DLGAP1: variants seen among roughly 807,000 people sequenced by gnomAD.
DLGAP1 encodes the protein DLG associated protein 1.
In DLGAP1, 11 loss-of-function variants were observed where a neutral mutation model predicts 90.8. The ratio of observed to expected loss-of-function variants is 0.12; its 90% CI spans 0.08 to 0.20. DLGAP1 has a LOEUF of 0.20. Ranked by LOEUF, DLGAP1 falls within the 10% of genes least tolerant of loss-of-function variation. The pLI, the probability that DLGAP1 is intolerant of heterozygous loss-of-function variation, is 1.00. For missense variants in DLGAP1, 1,050 were observed against 1,333.8 expected (o/e 0.79, Z 3.31); for synonymous variants, 558 against 540.7 (o/e 1.03, Z -0.44).
chr18:4,215,882 T>C (rs2077943842), intron 1 of DLGAP1, among the ~76,000 whole-genome samples: 2 of 152,078 alleles, frequency 1.3e-5, no homozygotes, highest in South Asian at 2.1e-4. Flanking sequence ...GGTAGGAAGA[T>C]GCAGACTGAA....
intron 7 of DLGAP1, among the ~76,000 whole-genome samples, chr18:3,640,982 G>T (rs2058915632): frequency 6.6e-6 from 1 of 152,154 alleles, no homozygotes; most frequent in African/African-American, 2.4e-5. Context: ...TGGCTACTAA[G>T]CAGGAAGGCC....
At chr18:4,322,215 A>G (rs549924164) in intron 1 of DLGAP1, among the ~76,000 whole-genome samples, 3 of 152,152 alleles carry the variant, frequency 2.0e-5, no homozygotes, top group South Asian at 4.2e-4. Context: ...AAAAGAAAAA[A>G]AAAGAAAGAA....
chr18:4,236,874 T>A (rs1266924182), intron 1 of DLGAP1, among the ~76,000 whole-genome samples: 1 of 152,158 alleles, frequency 6.6e-6, no homozygotes, highest in Non-Finnish European at 1.5e-5. Context: ...TAGCAAACAT[T>A]TATTGAGCAG....
chr18:3,939,098 C>T (rs144030163), intron 3 of DLGAP1, among the ~76,000 whole-genome samples: 1,603 of 152,214 alleles, frequency 0.011, 16 homozygotes, highest in Middle Eastern at 0.017. Context: ...AACCTAATAG[C>T]AAACAGAAAC....
chr18:4,332,096 A>G (rs2080966115), intron 1 of DLGAP1, among the ~76,000 whole-genome samples: 1 of 151,958 alleles, frequency 6.6e-6, no homozygotes, highest in South Asian at 2.1e-4. Context: ...ATGGAAATCA[A>G]CTGAGGCTGT....
chr18:3,787,951 G>A (rs2065537997), intron 5 of DLGAP1, among the ~76,000 whole-genome samples: 1 of 152,094 alleles, frequency 6.6e-6, no homozygotes, highest in Non-Finnish European at 1.5e-5. Context: ...TTATTAACTG[G>A]ACTTATATCA....
At chr18:4,035,460 T>C (rs188027350) in intron 2 of DLGAP1, among the ~76,000 whole-genome samples, 281 of 152,320 alleles carry the variant, frequency 1.8e-3, no homozygotes, top group Non-Finnish European at 3.5e-3. Context: ...ATATATGATG[T>C]TTTGGGGATG....
intron 3 of DLGAP1, among the ~76,000 whole-genome samples, chr18:3,959,030 T>G (rs1220899457): frequency 6.6e-6 from 1 of 152,212 alleles, no homozygotes; most frequent in Non-Finnish European, 1.5e-5. Flanking sequence ...CAAAAGTTTG[T>G]GTCCAACCTA....
chr18:3,952,122 C>T (rs958476264), intron 3 of DLGAP1, among the ~76,000 whole-genome samples: 8 of 152,118 alleles, frequency 5.3e-5, no homozygotes, highest in African/African-American at 9.7e-5. Context: ...AGTGATTAGT[C>T]GGTTTATAAG....
intron 1 of DLGAP1, among the ~76,000 whole-genome samples, chr18:4,222,616 G>A (rs1478874241): frequency 1.3e-5 from 2 of 151,934 alleles, no homozygotes; most frequent in Non-Finnish European, 2.9e-5. Context: ...AGTATATTGA[G>A]TAAAAATATC....
At chr18:3,929,478 C>T (rs1012152775) in intron 3 of DLGAP1, among the ~76,000 whole-genome samples, 1 of 152,206 alleles carries the variant, frequency 6.6e-6, no homozygotes, top group African/African-American at 2.4e-5. Flanking sequence ...TTGTGATTTT[C>T]TAAGTGCAAA....
chr18:3,618,341 C>T (rs889681752), intron 7 of DLGAP1, among the ~76,000 whole-genome samples: 31 of 152,098 alleles, frequency 2.0e-4, no homozygotes, highest in Admixed American at 1.3e-4. Context: ...GTTTGACTTC[C>T]GTATCAAAGC....
chr18:3,947,015 T>A (rs1299907109), intron 3 of DLGAP1, among the ~76,000 whole-genome samples: 1 of 152,212 alleles, frequency 6.6e-6, no homozygotes, highest in African/African-American at 2.4e-5. Flanking sequence ...ATTCTTTGAA[T>A]GGGTGTTCAA....
At chr18:4,079,287 TCA>T (rs6146196) in intron 2 of DLGAP1, among the ~76,000 whole-genome samples, 11,343 of 141,988 alleles carry the variant, frequency 0.08, 556 homozygotes, top group African/African-American at 0.14. Context: ...AAAGAAAATG[TCA>T]CACACACACA....
At chr18:4,377,881 T>C (rs1262547988) in intron 1 of DLGAP1, among the ~76,000 whole-genome samples, 2 of 152,038 alleles carry the variant, frequency 1.3e-5, no homozygotes, top group East Asian at 3.9e-4. Context: ...GAATCCATCA[T>C]TTATAAGTAT....
At chr18:4,029,348 C>T (rs2074754928) in intron 2 of DLGAP1, among the ~76,000 whole-genome samples, 1 of 152,126 alleles carries the variant, frequency 6.6e-6, no homozygotes, top group East Asian at 1.9e-4. Context: ...ATACTGATTT[C>T]ATTTCCTTTG....
chr18:4,389,713 T>C (rs1369455232), intron 1 of DLGAP1, among the ~76,000 whole-genome samples: 3 of 152,232 alleles, frequency 2.0e-5, no homozygotes, highest in Non-Finnish European at 4.4e-5. Context: ...AATGAACTAG[T>C]TCACACTACC....
intron 7 of DLGAP1, among the ~76,000 whole-genome samples, chr18:3,601,439 G>GGTGTGTGT (rs112583120): frequency 6.1e-5 from 9 of 148,022 alleles, no homozygotes; most frequent in African/African-American, 1.7e-4. Context: ...CATATGCAAG[G>GGTGTGTGT]GTGTGTGTGT....
At chr18:4,053,249 C>A (rs1309447238) in intron 2 of DLGAP1, among the ~76,000 whole-genome samples, 2 of 152,128 alleles carry the variant, frequency 1.3e-5, no homozygotes, top group African/African-American at 4.8e-5. Context: ...GCTGGTGAGG[C>A]CTCAGGAAAC....
Sources: allele counts gnomAD v4.1 joint callset (sites outside exome capture counted in the v4.1 genomes callset), GRCh38; gene constraint gnomAD v4.1.1; transcripts MANE v1.5; gene names NCBI Gene and HGNC (gene_info 2026-07-23, HGNC 2026-07-21).